Variants in MORN1 observed in about 807,000 individuals in gnomAD.
MORN1 encodes the protein MORN repeat containing 1, also known as MORN repeat-containing protein 1.
MORN1 carries 67 observed loss-of-function variants against 61.9 expected under a neutral mutation model. The observed-to-expected ratio is 1.08, with a 90% confidence interval of 0.89 to 1.33. MORN1 has a LOEUF of 1.33. MORN1 is among the 40% of genes most tolerant of loss of function. The pLI is 0.00. For synonymous variants in MORN1, 301 were observed against 292.0 expected (o/e 1.03, Z -0.31); for missense variants, 752 against 691.2 (o/e 1.09, Z -0.99).
rs563017619 is a variant in MORN1 at position 2,378,564 on chromosome 1, C to T, written c.538-4007G>A. The T allele has an allele frequency of 7.6e-4, 188 of 246,458 alleles. 1 individual carries two copies. In the South Asian group the frequency reaches 8.9e-3, roughly 12 times the overall value. The allele number at this position is 246,458 out of a possible 1,614,324, so 15.3% of individuals were successfully genotyped here. A position where few individuals can be genotyped will look rare whatever the true frequency, so the allele number is the denominator to read the frequency against. ...CTGCTCCGTGCAGTGAGCAGGTGCT[C>T]GGCACCCAGCGGCAACTCCGGGAAA... is the stretch of plus-strand genomic sequence containing the variant. On this transcript the variant is annotated intron_variant, in intron 6 of 13. Coordinates refer to ENST00000378531, the MANE Select transcript of MORN1 (RefSeq NM_024848.3).
At position 2,357,715 on chromosome 1, in the gene MORN1, G is replaced by A. The variant is rs1201912364; in HGVS notation, c.870-117C>T. The A allele has an allele frequency of 1.2e-5, 15 of 1,221,102 alleles. No homozygotes were observed. Among genetic ancestry groups the A allele is most frequent in the South Asian group, 3.8e-5 (2 of 52,382 alleles). The allele number at this position is 1,221,102 out of a possible 1,614,324, so 75.6% of individuals were successfully genotyped here. A position where few individuals can be genotyped will look rare whatever the true frequency, so the allele number is the denominator to read the frequency against. Reference sequence around the variant, plus strand: ...CTTGCCTACACTGAGTCCAGGGAGCGCTACTCAGCCTCTCTGGGAGGTCTC... The same window carrying A: ...CTTGCCTACACTGAGTCCAGGGAGCACTACTCAGCCTCTCTGGGAGGTCTC... On this transcript the variant is annotated intron_variant, in intron 9 of 13. Coordinates refer to ENST00000378531, the MANE Select transcript of MORN1 (RefSeq NM_024848.3). This position sits in a 1 kb window ranked among gnomAD's most constrained non-coding sequence, Gnocchi z 6.3.
chr1:2,382,630 A>T lies in MORN1; in HGVS notation c.537+2348T>A, dbSNP rs983847313. 2.0e-5 allele frequency among the ~76,000 whole-genome samples: 3 copies of T among 152,156 alleles called. No homozygotes were observed. In the East Asian group the frequency reaches 5.8e-4, roughly 29 times the overall value. On this transcript the variant is annotated intron_variant, in intron 6 of 13. Transcript: ENST00000378531. ...CCCTTAGGCGCACTCTCCCACTGCC[A>T]CTCTGGACAGTGAAGACAAGGGAGC... is the stretch of plus-strand genomic sequence containing the variant.
In MORN1 at chr1:2,324,015, C is replaced by T. The variant is rs556832703; in HGVS notation, c.1297+82G>A. On this transcript the variant is annotated intron_variant, in intron 13 of 13. Coordinates refer to ENST00000378531, the MANE Select transcript of MORN1 (RefSeq NM_024848.3). ...GGGGCCCCGGGCCGAGTTCCCCCAA[C>T]CCCACCTCCAGCCCTGGGCTGCGGC... is the stretch of plus-strand genomic sequence containing the variant. 2.3e-5 allele frequency: 35 copies of T among 1,496,316 alleles called. No individual in the cohort carries two copies. In the African/African-American group the frequency reaches 3.5e-4, roughly 15 times the overall value. 92.7% of individuals were successfully genotyped at this position (1,496,316 alleles called of 1,614,324 possible). A position where few individuals can be genotyped will look rare whatever the true frequency, so the allele number is the denominator to read the frequency against.
chr1:2,348,716 CGCGG>C (rs1641575819), intron 10 of MORN1, among the ~76,000 whole-genome samples: 1 of 138,850 alleles, frequency 7.2e-6, no homozygotes, highest in African/African-American at 2.7e-5. Flanking sequence ...CGCACACCTG[CGCGG>C]GCACGCACAC....
At chr1:2,374,246 G>A (rs990135748) in intron 7 of MORN1, among the ~76,000 whole-genome samples, 2 of 152,224 alleles carry the variant, frequency 1.3e-5, no homozygotes, top group Non-Finnish European at 2.9e-5. Flanking sequence ...CAGACACTCA[G>A]GCCCCAAGTC....
chr1:2,322,411 C>T (rs979583700), intron 13 of MORN1: 125 of 985,258 alleles, frequency 1.3e-4, no homozygotes, highest in Admixed American at 1.8e-4. Flanking sequence ...TTCCAGACGC[C>T]GGCCTGGAAA....
chr1:2,327,184 A>G (rs955626874), intron 12 of MORN1, among the ~76,000 whole-genome samples: 1 of 129,306 alleles, frequency 7.7e-6, no homozygotes, highest in Non-Finnish European at 1.6e-5. Context: ...AAACACAGAG[A>G]CACAGAGACA....
rs948763865 is a variant in MORN1 at position 2,337,374 on chromosome 1, C to T, written c.1037-524G>A. Among the ~76,000 whole-genome samples, 2 of 152,176 alleles carry T rather than the reference C, an allele frequency of 1.3e-5. No homozygotes were observed. The highest frequency in any genetic ancestry group is 2.9e-5 in the Non-Finnish European group (2 of 68,016). The stretch of plus-strand genomic sequence containing the variant: ...CCGAGGGTGGCTGCGAGTCCCTCCA[C>T]GTGGCGGCAGACCCCAGGTCCTCGG... On this transcript the variant is annotated intron_variant, in intron 10 of 13. Transcript: ENST00000378531. This position sits in a 1 kb window ranked among gnomAD's most constrained non-coding sequence, Gnocchi z 5.7.
chr1:2,351,641 T>C, intron 10 of MORN1: 1 of 330,144 alleles, frequency 3.0e-6, no homozygotes, highest in Non-Finnish European at 5.9e-6. Flanking sequence ...AGCAAGCTTC[T>C]TTAGAAGCGG....
rs1214378166 is a variant in MORN1 at position 2,357,035 on chromosome 1, C to T, written c.1036+397G>A. On this transcript the variant is annotated intron_variant, in intron 10 of 13. Coordinates refer to ENST00000378531, the MANE Select transcript of MORN1 (RefSeq NM_024848.3). The surrounding 1 kb of genome is among the most constrained non-coding windows in gnomAD (Gnocchi z 6.3). ...CTCGAGAGAGCAGTCGGCGCCGCGG[C>T]CCCCAGAGCCATGGCCGGCGGCTGC... is the stretch of plus-strand genomic sequence containing the variant. Among the ~76,000 whole-genome samples the T allele has an allele frequency of 6.6e-6, 1 of 152,158 alleles. No homozygotes were observed. Among genetic ancestry groups the T allele is most frequent in the Admixed American group, 6.5e-5 (1 of 15,286 alleles).
rs568085900 is a variant in MORN1 at position 2,352,335 on chromosome 1, G to A, written c.1036+5097C>T. The A allele has an allele frequency of 2.1e-3, 341 of 161,412 alleles. 2 individuals are homozygous for A. Among genetic ancestry groups the A allele is most frequent in the African/African-American group, 7.9e-3 (330 of 41,718 alleles). The allele number at this position is 161,412 out of a possible 1,614,324, so 10.0% of individuals were successfully genotyped here. ...CAGGAAGATGACAGTGGCAGAATAGGCAACAGGAACTGGGGTCCCCAGTGG... is the reference window on the plus strand; with the variant it reads ...CAGGAAGATGACAGTGGCAGAATAGACAACAGGAACTGGGGTCCCCAGTGG... On this transcript the variant is annotated intron_variant, in intron 10 of 13. Coordinates refer to ENST00000378531, the MANE Select transcript of MORN1 (RefSeq NM_024848.3).
At chr1:2,385,165 G>T (rs994685042) in intron 5 of MORN1, 100 bp from the exon 6 acceptor site, 2 of 1,265,812 alleles carry the variant, frequency 1.6e-6, no homozygotes, top group Non-Finnish European at 2.2e-6. Context: ...GGCACTGCGG[G>T]ACCGAGGCAA....
intron 12 of MORN1, among the ~76,000 whole-genome samples, chr1:2,330,673 A>G (rs1209932122): frequency 6.6e-6 from 1 of 152,172 alleles, no homozygotes; most frequent in Non-Finnish European, 1.5e-5. Flanking sequence ...CCGAGGAGGG[A>G]GGAGGAGCTT....
intron 13 of MORN1, chr1:2,322,495 T>C: frequency 1.0e-6 from 1 of 984,622 alleles, no homozygotes; most frequent in Non-Finnish European, 1.2e-6. Context: ...TTCCCAGGGC[T>C]GGACAAGAGC....
intron 10 of MORN1, among the ~76,000 whole-genome samples, chr1:2,340,946 T>C (rs1279246032): frequency 6.6e-6 from 1 of 152,210 alleles, no homozygotes; most frequent in Non-Finnish European, 1.5e-5. Flanking sequence ...ATGGGGCCCA[T>C]AGTGCAGACC....
intron 10 of MORN1, among the ~76,000 whole-genome samples, chr1:2,342,093 C>T (rs1641406869): frequency 6.6e-6 from 1 of 152,280 alleles, no homozygotes; most frequent in Non-Finnish European, 1.5e-5. Flanking sequence ...TTAATGACAT[C>T]AGTTACAGCT....
intron 13 of MORN1, 80 bp from the exon 14 acceptor site, chr1:2,321,659 CAT>C (rs1241333739): frequency 4.3e-6 from 6 of 1,406,492 alleles, no homozygotes; most frequent in African/African-American, 3.0e-5. Flanking sequence ...CCCACTGTCT[CAT>C]GTGCCCGCTG....
intron 13 of MORN1, chr1:2,322,313 C>G (rs938134559): frequency 1.0e-6 from 1 of 985,274 alleles, no homozygotes; most frequent in East Asian, 1.1e-4. Flanking sequence ...GTGGAAAAAG[C>G]GCCTCGGCTG....
rs371312869 is a variant in MORN1 at position 2,360,790 on chromosome 1, G to A, written c.746-2075C>T. On this transcript the variant is annotated intron_variant, in intron 8 of 13. Coordinates refer to ENST00000378531, the MANE Select transcript of MORN1 (RefSeq NM_024848.3). ...GGGACCAGGACCTGGGCCTCACACA[G>A]GACTGGGCATGGTGCCTGTTCTCCT... 4.1e-4 allele frequency among the ~76,000 whole-genome samples: 62 copies of A among 152,338 alleles called. No homozygotes were observed. The East Asian group carries it at 0.011, about 27-fold the overall frequency.
Sources: gnomAD v4.1 joint callset for allele counts (sites outside exome capture counted in the v4.1 genomes callset) on GRCh38, gnomAD v4.1.1 for gene constraint, Gnocchi (gnomAD v3.1) non-coding constraint, MANE v1.5 for transcripts, NCBI Gene and HGNC (gene_info 2026-07-23, HGNC 2026-07-21) for gene names.